Variants in DCAF1 observed in about 807,000 individuals in gnomAD.
DCAF1 encodes DDB1- and CUL4-associated factor 1.
DCAF1 carries 15 observed loss-of-function variants against 128.0 expected under a neutral mutation model. That is an observed-to-expected ratio of 0.12 (90% CI 0.08 to 0.18). DCAF1 has a LOEUF of 0.18. DCAF1 is among the 10% of genes least tolerant of loss of function. The probability of loss-of-function intolerance (pLI) is 1.00; values close to 1 mark genes in which losing one functional copy is unlikely to be tolerated. For synonymous variants in DCAF1, 610 were observed against 603.0 expected (o/e 1.01, Z -0.17); for missense variants, 988 against 1,649.5 (o/e 0.60, Z 6.95).
intron 6 of DCAF1, among the ~76,000 whole-genome samples, chr3:51,454,247 C>T (rs1256025670): frequency 6.6e-6 from 1 of 152,096 alleles, no homozygotes; most frequent in East Asian, 1.9e-4. Flanking sequence ...TCCTATATTG[C>T]CCAGGCTACA....
rs540577605 is a variant in DCAF1 at position 51,437,204 on chromosome 3, G to A, written c.1128+3766C>T. 2.2e-3 allele frequency among the ~76,000 whole-genome samples: 334 copies of A among 149,852 alleles called. 1 individual carries two copies. The highest frequency in any genetic ancestry group is 3.8e-3 in the Non-Finnish European group (259 of 67,730). On this transcript the variant is annotated intron_variant, in intron 9 of 24. Coordinates refer to ENST00000684031, the MANE Select transcript of DCAF1 (RefSeq NM_001387579.1). ...CTTGAACCCGGAAGGCAGCGGTAGCGGTGAGCAAACATAGCACCACTGCAC... is the reference window on the plus strand; with the variant it reads ...CTTGAACCCGGAAGGCAGCGGTAGCAGTGAGCAAACATAGCACCACTGCAC...
At chr3:51,403,959 C>G (rs1362572773) in intron 23 of DCAF1, among the ~76,000 whole-genome samples, 1 of 152,136 alleles carries the variant, frequency 6.6e-6, no homozygotes, top group Non-Finnish European at 1.5e-5. Context: ...CTAACAGAAA[C>G]CCATATTTCC....
chr3:51,427,107 G>A (rs782242343), intron 13 of DCAF1, among the ~76,000 whole-genome samples: 9 of 152,180 alleles, frequency 5.9e-5, no homozygotes, highest in Non-Finnish European at 7.3e-5. Flanking sequence ...AGCTGTGGCC[G>A]TGTAAATCAT....
intron 2 of DCAF1, among the ~76,000 whole-genome samples, chr3:51,487,943 C>A (rs1553656170): frequency 6.6e-6 from 1 of 152,076 alleles, no homozygotes; most frequent in Admixed American, 6.6e-5. Context: ...TGACTCACTG[C>A]AACCTCCACC....
At chr3:51,490,028 A>G (rs1553657225) in intron 2 of DCAF1, among the ~76,000 whole-genome samples, 1 of 152,190 alleles carries the variant, frequency 6.6e-6, no homozygotes, top group African/African-American at 2.4e-5. Flanking sequence ...ACTGCTATAC[A>G]CTAGCCAAAA....
In DCAF1 at chr3:51,412,863, G is replaced by A. The variant is rs1698555966; in HGVS notation, c.4110+130C>T. On this transcript the variant is annotated intron_variant, in intron 22 of 24. Coordinates refer to ENST00000684031, the MANE Select transcript of DCAF1 (RefSeq NM_001387579.1). Reference sequence around the variant, plus strand: ...CTCCCAAGCCCCATCAAATGAATAGGTTATCAATAATCTACCTTCAGGAAT... The same window carrying A: ...CTCCCAAGCCCCATCAAATGAATAGATTATCAATAATCTACCTTCAGGAAT... The A allele has an allele frequency of 7.2e-6, 10 of 1,379,492 alleles. No homozygotes were observed. The South Asian group carries it at 1.0e-4, about 14-fold the overall frequency. The allele number at this position is 1,379,492 out of a possible 1,614,324, so 85.5% of individuals were successfully genotyped here.
intron 2 of DCAF1, among the ~76,000 whole-genome samples, chr3:51,488,260 T>C (rs1438196854): frequency 6.6e-6 from 1 of 152,186 alleles, no homozygotes; most frequent in Non-Finnish European, 1.5e-5. Flanking sequence ...CATGAAACCA[T>C]CATTACTGAT....
chr3:51,443,689 T>A, intron 7 of DCAF1, 77 bp downstream of exon 7: 1 of 1,302,356 alleles, frequency 7.7e-7, no homozygotes, highest in Non-Finnish European at 1.0e-6. Flanking sequence ...TATGATCTAC[T>A]TATTCAGATT....
In DCAF1 at chr3:51,495,898, G is replaced by C. The variant is rs367689802; in HGVS notation, c.-9+836C>G. Among the ~76,000 whole-genome samples the C allele has an allele frequency of 3.3e-5, 5 of 151,970 alleles. No individual in the cohort carries two copies. The South Asian group carries it at 8.3e-4, about 25-fold the overall frequency. On this transcript the variant is annotated intron_variant, in intron 2 of 24. Transcript: ENST00000684031. ...GTCCCAGCTACCTGGGGAGGCTGAA[G>C]CAAGAGAACTGCTTGAGCCTAGGAG...
intron 9 of DCAF1, among the ~76,000 whole-genome samples, chr3:51,440,393 C>T (rs1241504148): frequency 4.6e-5 from 7 of 151,900 alleles, no homozygotes; most frequent in African/African-American, 1.7e-4. Context: ...AGAAGGATTG[C>T]TTCAGTCCAG....
chr3:51,470,437 C>G (rs1704607429), intron 4 of DCAF1, among the ~76,000 whole-genome samples: 1 of 152,052 alleles, frequency 6.6e-6, no homozygotes, highest in East Asian at 1.9e-4. Context: ...CATGATAGCA[C>G]ACGCCTGTAG....
At chr3:51,431,918 C>T (rs1577124512) in intron 10 of DCAF1, among the ~76,000 whole-genome samples, 1 of 151,810 alleles carries the variant, frequency 6.6e-6, no homozygotes, top group East Asian at 1.9e-4. Context: ...CTACAGTGGG[C>T]TGTGATCACA....
At chr3:51,438,276 T>TATATATA (rs2107650382) in intron 9 of DCAF1, among the ~76,000 whole-genome samples, 2 of 152,316 alleles carry the variant, frequency 1.3e-5, no homozygotes, top group South Asian at 4.1e-4. Context: ...TATTTGTTGA[T>TATATATA]TGCTTACGAT....
chr3:51,423,651 C>G (rs1699634115), intron 13 of DCAF1, among the ~76,000 whole-genome samples: 1 of 151,398 alleles, frequency 6.6e-6, no homozygotes, highest in African/African-American at 2.4e-5. Flanking sequence ...AACCCCATCT[C>G]TATTAAAAAA....
At chr3:51,469,824 C>A (rs1577251230) in intron 4 of DCAF1, among the ~76,000 whole-genome samples, 1 of 151,874 alleles carries the variant, frequency 6.6e-6, no homozygotes, top group African/African-American at 2.4e-5. Flanking sequence ...AGTTCAAGAC[C>A]AGCTTGGCCA....
Position 51,412,390 on chromosome 3 carries a change from C to G in DCAF1, c.4201G>C (p.Glu1401Gln). 2 of 1,613,966 alleles carry G rather than the reference C, an allele frequency of 1.2e-6. No homozygotes were observed. The highest frequency in any genetic ancestry group is 1.7e-6 in the Non-Finnish European group (2 of 1,179,866). Residue 1401 changes from glutamate to glutamine, a missense_variant, in exon 23 of 25, where the codon GAG becomes CAG. Glu to Gln is a conservative substitution (Grantham distance 29). This residue lies in a region of DCAF1 where 97 missense variants were observed against 134.5 expected (regional missense o/e 0.72). Transcript: ENST00000684031. ...RQRLAEDEDE[E>Q]EDQEEEEQEE... ...CAAAGACCACTGACCTGGTCCTCCT[C>G]TTCATCCTCATCCTCTGCCAGACGC...
intron 12 of DCAF1, among the ~76,000 whole-genome samples, chr3:51,427,953 C>T (rs1451404560): frequency 6.6e-6 from 1 of 152,094 alleles, no homozygotes; most frequent in African/African-American, 2.4e-5. Context: ...CATGAGCCAC[C>T]ATGCTTGGCC....
chr3:51,490,474 A>G (rs1559580463), intron 2 of DCAF1, among the ~76,000 whole-genome samples: 1 of 152,180 alleles, frequency 6.6e-6, no homozygotes, highest in Non-Finnish European at 1.5e-5. Flanking sequence ...GTATGCTGAA[A>G]ACTACAAAAC....
At chr3:51,473,187 A>G (rs2108247971) in intron 3 of DCAF1, among the ~76,000 whole-genome samples, 1 of 150,542 alleles carries the variant, frequency 6.6e-6, no homozygotes, top group East Asian at 2.0e-4. Flanking sequence ...GAGGCAGGAG[A>G]ATCGCTTGAA....
Sources: allele counts gnomAD v4.1 joint callset (sites outside exome capture counted in the v4.1 genomes callset), GRCh38; gene constraint gnomAD v4.1.1; regional missense constraint gnomAD v4.1.1; transcripts MANE v1.5; gene names NCBI Gene and HGNC (gene_info 2026-07-23, HGNC 2026-07-21).